The following BRINP3 variants were observed in gnomAD, a reference collection of about 807,000 sequenced individuals.
The protein encoded by BRINP3 is BMP/retinoic acid-inducible neural-specific protein 3.
BRINP3 carries 19 observed loss-of-function variants against 71.0 expected under a neutral mutation model. That is an observed-to-expected ratio of 0.27 (90% CI 0.19 to 0.39). BRINP3 has a LOEUF of 0.39. BRINP3 is among the 10% of genes least tolerant of loss of function. BRINP3 has a pLI of 1.00. For missense variants in BRINP3, 959 were observed against 940.8 expected (o/e 1.02, Z -0.25); for synonymous variants, 380 against 337.7 (o/e 1.13, Z -1.37).
intron 5 of BRINP3, among the ~76,000 whole-genome samples, chr1:190,232,471 C>T (rs2102730855): frequency 6.6e-6 from 1 of 151,864 alleles, no homozygotes; most frequent in South Asian, 2.1e-4. Flanking sequence ...AATTGACTTC[C>T]TAATAGTATT....
Position 190,098,412 on chromosome 1 carries a change from T to G in BRINP3, c.1907A>C (p.Asn636Thr), listed in dbSNP as rs372106848. 1.2e-6 allele frequency: 2 copies of G among 1,614,194 alleles called. No homozygotes were observed. Among genetic ancestry groups the G allele is most frequent in the Non-Finnish European group, 1.7e-6 (2 of 1,180,032 alleles). ...HIYLRSRIKS[N>T]GPNGNESIYY... ...AATGCTCTCATTACCATTGGGACCATTGGACTTGATGCGACTTCTCAGGTA... is the reference window on the plus strand; with the variant it reads ...AATGCTCTCATTACCATTGGGACCAGTGGACTTGATGCGACTTCTCAGGTA... The change falls in exon 8 of 8, where the codon AAT becomes ACT. Residue 636 changes from asparagine to threonine, a missense_variant. By Grantham distance (65) the Asn-to-Thr change is moderately conservative. Transcript: ENST00000367462.
chr1:190,407,793 T>A (rs1381889058), intron 2 of BRINP3, among the ~76,000 whole-genome samples: 1 of 152,136 alleles, frequency 6.6e-6, no homozygotes, highest in East Asian at 1.9e-4. Context: ...TCTTGGAATA[T>A]ATCCATAATA....
intron 7 of BRINP3, among the ~76,000 whole-genome samples, chr1:190,124,694 A>T (rs1653949665): frequency 6.6e-6 from 1 of 152,090 alleles, no homozygotes; most frequent in East Asian, 1.9e-4. Flanking sequence ...CCGTGGGTGT[A>T]AAATATTTTG....
chr1:190,471,088 C>T (rs893619734), intron 1 of BRINP3, among the ~76,000 whole-genome samples: 9 of 151,080 alleles, frequency 6.0e-5, no homozygotes, highest in African/African-American at 1.7e-4. Context: ...TACAAATATT[C>T]TTGCTAGCTT....
intron 2 of BRINP3, among the ~76,000 whole-genome samples, chr1:190,368,384 C>G (rs375762330): frequency 6.6e-6 from 1 of 152,128 alleles, no homozygotes; most frequent in South Asian, 2.1e-4. Context: ...GTCTCTCCTG[C>G]GGCAGGCCAT....
intron 2 of BRINP3, among the ~76,000 whole-genome samples, chr1:190,390,745 C>T (rs532197223): frequency 2.0e-5 from 3 of 151,830 alleles, no homozygotes; most frequent in Non-Finnish European, 4.4e-5. Flanking sequence ...GTCATGGAAG[C>T]AGAGCATATT....
intron 3 of BRINP3, among the ~76,000 whole-genome samples, chr1:190,266,485 T>A (rs1057460851): frequency 6.6e-6 from 1 of 152,136 alleles, no homozygotes; most frequent in Non-Finnish European, 1.5e-5. Context: ...AGAAAAAACA[T>A]ATATCTCAAG....
chr1:190,227,619 TA>T (rs576124761), intron 5 of BRINP3, among the ~76,000 whole-genome samples: 2 of 151,802 alleles, frequency 1.3e-5, no homozygotes, highest in Non-Finnish European at 2.9e-5. Flanking sequence ...TTCACAAAAG[TA>T]AAAAAACTTT....
intron 7 of BRINP3, among the ~76,000 whole-genome samples, chr1:190,136,484 T>C (rs968925740): frequency 1.3e-5 from 2 of 152,132 alleles, no homozygotes; most frequent in African/African-American, 4.8e-5. Flanking sequence ...TTTTCTCTAA[T>C]GCTTACATTA....
rs192462864 is a variant in BRINP3 at position 190,255,789 on chromosome 1, G to T, written c.618+9076C>A. Among the ~76,000 whole-genome samples, 3 of 151,876 alleles carry T rather than the reference G, an allele frequency of 2.0e-5. No individual in the cohort carries two copies. In the East Asian group the frequency reaches 5.8e-4, roughly 29 times the overall value. On this transcript the variant is annotated intron_variant, in intron 4 of 7. Transcript: ENST00000367462. ...TTGGGTCTCTCTCTCCTTCAGTTCT[G>T]CTCTGATCTTAGTTATTTCTTGTCT...
At chr1:190,322,959 A>G (rs1470573756) in intron 2 of BRINP3, among the ~76,000 whole-genome samples, 2 of 152,020 alleles carry the variant, frequency 1.3e-5, no homozygotes, top group African/African-American at 2.4e-5. Context: ...ACATTTTTAC[A>G]CATTCAAAGC....
At chr1:190,240,331 A>G (rs1489283593) in intron 4 of BRINP3, among the ~76,000 whole-genome samples, 1 of 152,064 alleles carries the variant, frequency 6.6e-6, no homozygotes, top group East Asian at 1.9e-4. Context: ...CAAATAAATC[A>G]TTATATTTAA....
intron 2 of BRINP3, among the ~76,000 whole-genome samples, chr1:190,417,437 A>T (rs1389127705): frequency 6.6e-6 from 1 of 152,146 alleles, no homozygotes; most frequent in African/African-American, 2.4e-5. Flanking sequence ...ATTAATATTT[A>T]TTGTACAGCC....
At chr1:190,256,915 T>G (rs184383607) in intron 4 of BRINP3, among the ~76,000 whole-genome samples, 1 of 152,184 alleles carries the variant, frequency 6.6e-6, no homozygotes, top group African/African-American at 2.4e-5. Flanking sequence ...TGGCTGCCCT[T>G]ATTATTTTTC....
intron 2 of BRINP3, among the ~76,000 whole-genome samples, chr1:190,312,227 T>A (rs1036415556): frequency 6.6e-6 from 1 of 150,760 alleles, no homozygotes; most frequent in African/African-American, 2.4e-5. Flanking sequence ...CAAAGTTCAA[T>A]ATAAAAAACT....
At chr1:190,173,676 T>C (rs953923361) in intron 6 of BRINP3, among the ~76,000 whole-genome samples, 3 of 152,226 alleles carry the variant, frequency 2.0e-5, no homozygotes, top group Non-Finnish European at 4.4e-5. Context: ...TTTGTGAAGA[T>C]ATTTTGTAAG....
chr1:190,204,589 A>ACT (rs2102626111), intron 6 of BRINP3, among the ~76,000 whole-genome samples: 1 of 152,166 alleles, frequency 6.6e-6, no homozygotes, highest in African/African-American at 2.4e-5. Context: ...GCCTTCAGAA[A>ACT]ACATGAATAA....
chr1:190,108,702 C>T (rs1471079141), intron 7 of BRINP3, among the ~76,000 whole-genome samples: 2 of 150,146 alleles, frequency 1.3e-5, no homozygotes, highest in Non-Finnish European at 3.0e-5. Context: ...ACATAGAAAA[C>T]AAATATTTAA....
intron 2 of BRINP3, among the ~76,000 whole-genome samples, chr1:190,418,451 C>T (rs1673149108): frequency 6.6e-6 from 1 of 152,086 alleles, no homozygotes; most frequent in African/African-American, 2.4e-5. Flanking sequence ...CTCTCCTTTC[C>T]ATATCTTACA....
Sources: allele counts gnomAD v4.1 joint callset (sites outside exome capture counted in the v4.1 genomes callset), GRCh38; gene constraint gnomAD v4.1.1; transcripts MANE v1.5; gene names NCBI Gene and HGNC (gene_info 2026-07-23, HGNC 2026-07-21).